Variants in RNF8 observed in about 807,000 individuals in gnomAD.
RNF8 encodes E3 ubiquitin-protein ligase RNF8.
RNF8 carries 8 observed loss-of-function variants against 59.3 expected under a neutral mutation model. The ratio of observed to expected loss-of-function variants is 0.13; its 90% CI spans 0.08 to 0.24. RNF8 has a LOEUF of 0.24. Among genes scored for constraint, RNF8 ranks in the 10% least tolerant of loss-of-function variants. RNF8 has a pLI of 1.00. For synonymous variants in RNF8, 162 were observed against 200.0 expected (o/e 0.81, Z 1.60); for missense variants, 406 against 572.6 (o/e 0.71, Z 2.97).
At chr6:37,371,659 G>T in intron 4 of RNF8, 85 bp downstream of exon 4, 2 of 1,104,724 alleles carry the variant, frequency 1.8e-6, no homozygotes, top group Non-Finnish European at 2.7e-6. Context: ...TGCCTCTGCT[G>T]CTTAGCCCAT....
At position 37,381,379 on chromosome 6, in the gene RNF8, C is replaced by G. The variant is rs757574965; in HGVS notation, c.1441+25C>G. The G allele has an allele frequency of 1.3e-5, 20 of 1,597,768 alleles. No individual in the cohort carries two copies. The African/African-American group carries it at 2.7e-4, about 21-fold the overall frequency. On this transcript the variant is annotated intron_variant, in intron 7 of 7. Transcript: ENST00000373479. ...GGTGAGTGGGTGTGAGAATTCCTAC[C>G]CCTCAAGAAAGGACTTATTTACTTC...
At chr6:37,376,689 A>G (rs1770033132) in intron 5 of RNF8, among the ~76,000 whole-genome samples, 1 of 152,232 alleles carries the variant, frequency 6.6e-6, no homozygotes. Flanking sequence ...AGGAAGCACA[A>G]ACATTCAGAC....
At chr6:37,389,064 G>T (rs1470762250) in intron 7 of RNF8, among the ~76,000 whole-genome samples, 1 of 151,964 alleles carries the variant, frequency 6.6e-6, no homozygotes, top group African/African-American at 2.4e-5. Context: ...AATAATATTT[G>T]TTAGTGTACT....
intron 1 of RNF8, among the ~76,000 whole-genome samples, chr6:37,354,518 G>A (rs1769037007): frequency 6.6e-6 from 1 of 151,920 alleles, no homozygotes; most frequent in Non-Finnish European, 1.5e-5. Context: ...GGGCCGAGTG[G>A]GAGAAAGGAA....
intron 2 of RNF8, among the ~76,000 whole-genome samples, chr6:37,365,649 G>A (rs1249423445): frequency 6.6e-6 from 1 of 152,230 alleles, no homozygotes; most frequent in African/African-American, 2.4e-5. Context: ...ATCTAGTGAA[G>A]TAATTCCTGT....
At chr6:37,364,100 A>G (rs1409435072) in intron 2 of RNF8, among the ~76,000 whole-genome samples, 1 of 147,508 alleles carries the variant, frequency 6.8e-6, no homozygotes, top group Non-Finnish European at 1.5e-5. Flanking sequence ...AATGGCATGA[A>G]CCTGGGAGGC....
In RNF8 at chr6:37,363,041, C is replaced by T. The variant is rs938361700; in HGVS notation, c.240+2467C>T. Among the ~76,000 whole-genome samples the T allele has an allele frequency of 3.3e-5, 5 of 152,288 alleles. No homozygotes were observed. The East Asian group carries it at 5.8e-4, about 18-fold the overall frequency. On this transcript the variant is annotated intron_variant, in intron 2 of 7. Transcript: ENST00000373479. ...GTTTTAAAGTCACAGTATGAAATGCCTTAGAGGTTCAGTCACGTCTTACTT... is the reference window on the plus strand; with the variant it reads ...GTTTTAAAGTCACAGTATGAAATGCTTTAGAGGTTCAGTCACGTCTTACTT...
At chr6:37,389,556 G>A (rs965784786) in intron 7 of RNF8, among the ~76,000 whole-genome samples, 1 of 152,088 alleles carries the variant, frequency 6.6e-6, no homozygotes, top group Non-Finnish European at 1.5e-5. Context: ...AGCCTGTACA[G>A]AAGGGCATGC....
At chr6:37,381,921 G>A (rs188362145) in intron 7 of RNF8, among the ~76,000 whole-genome samples, 2 of 152,296 alleles carry the variant, frequency 1.3e-5, no homozygotes, top group East Asian at 3.9e-4. Context: ...GGAGGGCAGA[G>A]TAGACTTTGA....
intron 6 of RNF8, 51 bp from the exon 7 acceptor site, chr6:37,381,099 G>A (rs1362845534): frequency 1.3e-6 from 2 of 1,509,098 alleles, no homozygotes; most frequent in Non-Finnish European, 1.8e-6. Context: ...CAAGCATCCT[G>A]AGAAAGTAAG....
intron 4 of RNF8, among the ~76,000 whole-genome samples, chr6:37,372,138 AT>A (rs1769835279): frequency 6.6e-6 from 1 of 152,196 alleles, no homozygotes; most frequent in South Asian, 2.1e-4. Flanking sequence ...CTCTCATTTG[AT>A]TATTTTTTTG....
intron 5 of RNF8, among the ~76,000 whole-genome samples, chr6:37,376,335 A>G (rs1053858669): frequency 1.3e-5 from 2 of 152,172 alleles, no homozygotes; most frequent in African/African-American, 2.4e-5. Context: ...CAAATACTGA[A>G]AAAGTGGTGT....
chr6:37,384,886 G>T (rs1770426115), intron 7 of RNF8, among the ~76,000 whole-genome samples: 1 of 152,164 alleles, frequency 6.6e-6, no homozygotes, highest in South Asian at 2.1e-4. Flanking sequence ...TCATTTGCAG[G>T]AAGTTAGCAT....
intron 7 of RNF8, among the ~76,000 whole-genome samples, chr6:37,388,013 CAG>C (rs1001577992): frequency 2.6e-5 from 4 of 152,234 alleles, no homozygotes; most frequent in Non-Finnish European, 4.4e-5. Context: ...CAGGGGGAAA[CAG>C]AAGATATGAA....
chr6:37,354,683 CG>C (rs1769045911), intron 1 of RNF8, among the ~76,000 whole-genome samples: 1 of 145,632 alleles, frequency 6.9e-6, no homozygotes, highest in African/African-American at 2.6e-5. Context: ...AGGAGAGGGA[CG>C]CGCAGGGAAC....
intron 5 of RNF8, among the ~76,000 whole-genome samples, chr6:37,376,573 T>C (rs1770029309): frequency 6.6e-6 from 1 of 152,080 alleles, no homozygotes; most frequent in African/African-American, 2.4e-5. Context: ...TTAAGGCCAC[T>C]AACCCCATTT....
At chr6:37,361,796 CAG>C (rs1233282184) in intron 2 of RNF8, among the ~76,000 whole-genome samples, 2 of 152,158 alleles carry the variant, frequency 1.3e-5, no homozygotes, top group African/African-American at 2.4e-5. Flanking sequence ...TTGAAGGAGA[CAG>C]TACATAAATG....
chr6:37,389,128 G>C (rs1241369449), intron 7 of RNF8, among the ~76,000 whole-genome samples: 1 of 152,098 alleles, frequency 6.6e-6, no homozygotes, highest in African/African-American at 2.4e-5. Context: ...CTTTCTCCTT[G>C]TAGTATTTTC....
At chr6:37,379,352 C>T (rs953103155) in intron 6 of RNF8, among the ~76,000 whole-genome samples, 1 of 152,134 alleles carries the variant, frequency 6.6e-6, no homozygotes, top group Non-Finnish European at 1.5e-5. Context: ...TTTATGAGAG[C>T]TTGTCTCATG....
Sources: allele counts gnomAD v4.1 joint callset (sites outside exome capture counted in the v4.1 genomes callset), GRCh38; gene constraint gnomAD v4.1.1; transcripts MANE v1.5; gene names NCBI Gene and HGNC (gene_info 2026-07-23, HGNC 2026-07-21).